The following FLACC1 variants were observed in gnomAD, a reference collection of about 807,000 sequenced individuals.
FLACC1 encodes flagellum-associated coiled-coil domain-containing protein 1.
Under a neutral mutation model 62.8 loss-of-function variants are expected in FLACC1, and 66 were observed. The ratio of observed to expected loss-of-function variants is 1.05; its 90% CI spans 0.86 to 1.29. FLACC1 has a LOEUF of 1.29. Among genes scored for constraint, FLACC1 ranks in the 50% most tolerant of loss-of-function variants. The pLI, the probability that FLACC1 is intolerant of heterozygous loss-of-function variation, is 0.00. For missense variants in FLACC1, 452 were observed against 489.1 expected, an observed-to-expected ratio of 0.92 and a Z score of 0.71; for synonymous variants, 156 against 161.0, an observed-to-expected ratio of 0.97 and a Z score of 0.24.
At chr2:201,325,782 C>T (rs537854429) in intron 9 of FLACC1, among the ~76,000 whole-genome samples, 51 of 152,138 alleles carry the variant, frequency 3.4e-4, no homozygotes, top group African/African-American at 4.8e-4. Flanking sequence ...GAAACAATTC[C>T]GAAAGATTGA....
At position 201,346,503 on chromosome 2, in the gene FLACC1, G is replaced by T. The variant is rs1576474037; in HGVS notation, c.368+39C>A. On this transcript the variant is annotated intron_variant, in intron 5 of 14. Transcript: ENST00000392257. The surrounding 1 kb of genome is among the most constrained non-coding windows in gnomAD (Gnocchi z 4.0). The stretch of plus-strand genomic sequence containing the variant: ...TGAGGCCGGGCTGAGCTGGGTGGGA[G>T]TAGCCCCAAGCAGCTGCATGTTGCT... The T allele has an allele frequency of 1.2e-6, 2 of 1,608,662 alleles. No homozygotes were observed. Among genetic ancestry groups the T allele is most frequent in the Non-Finnish European group, 8.5e-7 (1 of 1,179,318 alleles).
At chr2:201,336,097 T>G (rs1950691415) in intron 7 of FLACC1, among the ~76,000 whole-genome samples, 1 of 152,124 alleles carries the variant, frequency 6.6e-6, no homozygotes, top group Non-Finnish European at 1.5e-5. Context: ...TACAAATGAT[T>G]TCATTGCTCA....
chr2:201,303,394 C>T (rs1017399239), intron 11 of FLACC1, among the ~76,000 whole-genome samples: 5 of 151,998 alleles, frequency 3.3e-5, no homozygotes, highest in Non-Finnish European at 5.9e-5. Flanking sequence ...AAGTTGAATC[C>T]GTGAATAGAC....
At chr2:201,289,985 T>C in intron 12 of FLACC1, 200 bp from the exon 13 acceptor site, 2 of 845,220 alleles carry the variant, frequency 2.4e-6, no homozygotes, top group Admixed American at 2.9e-5. Flanking sequence ...AGAGCTCATA[T>C]GAATGGTTCT....
chr2:201,292,166 A>C (rs893243723), intron 12 of FLACC1, among the ~76,000 whole-genome samples: 5 of 152,228 alleles, frequency 3.3e-5, no homozygotes, highest in African/African-American at 1.2e-4. Context: ...GATTCAGGAA[A>C]TACAGAGAAC....
chr2:201,306,593 T>C (rs1373151777), intron 11 of FLACC1, among the ~76,000 whole-genome samples: 1 of 152,148 alleles, frequency 6.6e-6, no homozygotes, highest in African/African-American at 2.4e-5. Context: ...TTCTAAAAAA[T>C]AGAATATCTT....
At chr2:201,295,837 G>C (rs375550009) in intron 12 of FLACC1, among the ~76,000 whole-genome samples, 4 of 151,814 alleles carry the variant, frequency 2.6e-5, no homozygotes, top group Admixed American at 1.3e-4. Context: ...ACAACCCCAT[G>C]AACAAGTGGG....
At chr2:201,296,581 G>A (rs975792011) in intron 12 of FLACC1, among the ~76,000 whole-genome samples, 3 of 151,988 alleles carry the variant, frequency 2.0e-5, no homozygotes, top group Non-Finnish European at 4.4e-5. Flanking sequence ...GTTACTGGGT[G>A]CAGCACACCA....
At chr2:201,302,928 G>T (rs13002139) in intron 11 of FLACC1, among the ~76,000 whole-genome samples, 82,054 of 152,012 alleles carry the variant, frequency 0.54, 23,035 homozygotes, top group East Asian at 0.68. Flanking sequence ...CACATTTAAA[G>T]CAGTGTGTAG....
intron 9 of FLACC1, among the ~76,000 whole-genome samples, chr2:201,328,411 C>G (rs930561119): frequency 1.3e-5 from 2 of 151,726 alleles, no homozygotes; most frequent in African/African-American, 4.8e-5. Flanking sequence ...AAATTTATTT[C>G]TTTTTTATTT....
the FLACC1 span, among the ~76,000 whole-genome samples, chr2:201,363,755 C>T: frequency 6.6e-6 from 1 of 152,322 alleles, no homozygotes; most frequent in East Asian, 1.9e-4. Flanking sequence ...CAGTGGGGCT[C>T]CATGCCTAGA....
chr2:201,330,323 C>G (rs1440620199), intron 9 of FLACC1, 147 bp downstream of exon 9: 9 of 677,448 alleles, frequency 1.3e-5, no homozygotes, highest in African/African-American at 1.9e-5. Context: ...TCATCCTCCC[C>G]CTGGGTGCAG....
At chr2:201,291,228 C>T (rs1949727380) in intron 12 of FLACC1, among the ~76,000 whole-genome samples, 2 of 152,216 alleles carry the variant, frequency 1.3e-5, no homozygotes, top group Admixed American at 6.5e-5. Flanking sequence ...AGACTGCCTC[C>T]TCAAGTGGGT....
At chr2:201,297,655 C>G (rs747619349) in intron 12 of FLACC1, among the ~76,000 whole-genome samples, 6 of 152,284 alleles carry the variant, frequency 3.9e-5, no homozygotes, top group Middle Eastern at 3.4e-3. Context: ...GTTTCCATGG[C>G]TGGGATTGGA....
upstream of FLACC1, among the ~76,000 whole-genome samples, chr2:201,361,038 A>C (rs1951181874): frequency 2.0e-5 from 3 of 152,316 alleles, no homozygotes; most frequent in South Asian, 6.2e-4. Context: ...AGATCGTGCC[A>C]CTGCATTCAA....
chr2:201,350,228 T>C (rs1240946061), intron 3 of FLACC1, among the ~76,000 whole-genome samples: 1 of 151,496 alleles, frequency 6.6e-6, no homozygotes, highest in Non-Finnish European at 1.5e-5. Context: ...TTACTACAAA[T>C]ACAAAAATTA....
chr2:201,351,580 AG>A (rs1164272776), intron 1 of FLACC1, 129 bp from the exon 2 acceptor site: 27 of 603,646 alleles, frequency 4.5e-5, no homozygotes, highest in Non-Finnish European at 7.6e-5. Context: ...GATCTGGTGC[AG>A]GGTCTTGACT....
intron 7 of FLACC1, among the ~76,000 whole-genome samples, chr2:201,341,396 T>G (rs1037002416): frequency 5.0e-5 from 7 of 139,936 alleles, no homozygotes; most frequent in African/African-American, 2.1e-4. Context: ...AAGATTCATA[T>G]ATATATATAT....
chr2:201,309,905 C>CAAAAAAAAAAAAAAAA (rs1161849891), intron 9 of FLACC1, among the ~76,000 whole-genome samples: 4 of 44,670 alleles, frequency 9.0e-5, no homozygotes, highest in Non-Finnish European at 2.2e-4. Context: ...GACTCTGTCT[C>CAAAAAAAAAAAAAAAA]AAAAAAAAAA....
Sources: allele counts gnomAD v4.1 joint callset (sites outside exome capture counted in the v4.1 genomes callset), GRCh38; gene constraint gnomAD v4.1.1; non-coding constraint Gnocchi (gnomAD v3.1); transcripts MANE v1.5; gene names NCBI Gene and HGNC (gene_info 2026-07-23, HGNC 2026-07-21).